The following GNAQ variants were observed in gnomAD, a reference collection of about 807,000 sequenced individuals.
GNAQ encodes guanine nucleotide-binding protein G(q) subunit alpha.
Under a neutral mutation model 43.9 loss-of-function variants are expected in GNAQ, and 8 were observed. The observed-to-expected ratio is 0.18, with a 90% confidence interval of 0.11 to 0.33. GNAQ has a LOEUF of 0.33. Ranked by LOEUF, GNAQ falls within the 10% of genes least tolerant of loss-of-function variation. GNAQ has a pLI of 1.00. For missense variants in GNAQ, 158 were observed against 450.8 expected (o/e 0.35, Z 5.88); for synonymous variants, 155 against 170.7 (o/e 0.91, Z 0.71).
intron 5 of GNAQ, among the ~76,000 whole-genome samples, chr9:77,762,524 G>T (rs1414227502): frequency 4.7e-5 from 7 of 149,416 alleles, no homozygotes; most frequent in Admixed American, 1.3e-4. Flanking sequence ...GAGGTGAGGG[G>T]CGCCTCTGCC....
intron 2 of GNAQ, among the ~76,000 whole-genome samples, chr9:77,877,455 C>T (rs1475403178): frequency 2.0e-5 from 3 of 152,154 alleles, no homozygotes; most frequent in Non-Finnish European, 2.9e-5. Flanking sequence ...GAATTGCTGA[C>T]AGACAAGTTC....
intron 5 of GNAQ, among the ~76,000 whole-genome samples, chr9:77,766,481 T>C (rs976814747): frequency 1.3e-5 from 2 of 152,210 alleles, no homozygotes; most frequent in Admixed American, 1.3e-4. Flanking sequence ...CTTTGTCCCT[T>C]GTGATTTTTG....
At chr9:77,827,558 C>A (rs958797012) in intron 2 of GNAQ, among the ~76,000 whole-genome samples, 2 of 151,950 alleles carry the variant, frequency 1.3e-5, no homozygotes, top group African/African-American at 4.8e-5. Context: ...CAGCCAGTGT[C>A]TGATAACATT....
intron 6 of GNAQ, among the ~76,000 whole-genome samples, chr9:77,725,644 G>A (rs1478997837): frequency 6.6e-6 from 1 of 151,302 alleles, no homozygotes; most frequent in Non-Finnish European, 1.5e-5. Flanking sequence ...GGCACATGCT[G>A]GAAGGAAAAT....
chr9:77,805,688 G>C (rs1826819147), intron 3 of GNAQ, among the ~76,000 whole-genome samples: 1 of 152,180 alleles, frequency 6.6e-6, no homozygotes, highest in Admixed American at 6.5e-5. Context: ...ACAGGCATGA[G>C]CCACCGCACC....
intron 2 of GNAQ, among the ~76,000 whole-genome samples, chr9:77,903,565 A>C (rs975811364): frequency 2.0e-5 from 3 of 152,146 alleles, no homozygotes; most frequent in Admixed American, 2.0e-4. Context: ...CCCAGGGGCT[A>C]AAGGTGACTC....
intron 2 of GNAQ, among the ~76,000 whole-genome samples, chr9:77,829,252 G>C (rs545677432): frequency 1.3e-5 from 2 of 152,208 alleles, no homozygotes; most frequent in South Asian, 4.1e-4. Context: ...TGAAAGCTAC[G>C]AATGCTTACA....
chr9:77,727,441 G>A (rs534782766), intron 6 of GNAQ, among the ~76,000 whole-genome samples: 11 of 152,188 alleles, frequency 7.2e-5, no homozygotes, highest in Non-Finnish European at 1.5e-4. Flanking sequence ...TGGGTGTCTA[G>A]TTGTCCAGGA....
At chr9:77,763,718 T>C (rs1378796815) in intron 5 of GNAQ, among the ~76,000 whole-genome samples, 1 of 152,170 alleles carries the variant, frequency 6.6e-6, no homozygotes, top group Non-Finnish European at 1.5e-5. Context: ...AAGTCAAAAA[T>C]GTCCTGTCTG....
chr9:77,839,739 A>G (rs745642427), intron 2 of GNAQ, among the ~76,000 whole-genome samples: 2 of 152,234 alleles, frequency 1.3e-5, no homozygotes, highest in Non-Finnish European at 2.9e-5. Flanking sequence ...CTTGGAGGAA[A>G]CACTGTTATT....
At chr9:77,836,401 A>G (rs1405831918) in intron 2 of GNAQ, among the ~76,000 whole-genome samples, 1 of 152,216 alleles carries the variant, frequency 6.6e-6, no homozygotes, top group African/African-American at 2.4e-5. Context: ...TATGCTTGCA[A>G]AAGATTCTTT....
intron 5 of GNAQ, among the ~76,000 whole-genome samples, chr9:77,749,505 C>A (rs1825779864): frequency 6.6e-6 from 1 of 152,272 alleles, no homozygotes; most frequent in East Asian, 1.9e-4. Flanking sequence ...TTGCTGAGAA[C>A]TGAGGACTTC....
At chr9:77,778,190 T>C (rs549968862) in intron 5 of GNAQ, among the ~76,000 whole-genome samples, 34 of 148,248 alleles carry the variant, frequency 2.3e-4, no homozygotes, top group Non-Finnish European at 3.7e-4. Flanking sequence ...TGTATGTTTT[T>C]ATATATACAT....
rs927771005 is a variant in GNAQ at position 77,718,878 on chromosome 9, C to T, written c.*2445G>A. Reference sequence around the variant, plus strand: ...AGTAAAGGCCATCAGAGAGGTAATACTAAACTGTGCATTTGCCAAATAAGA... The same window carrying T: ...AGTAAAGGCCATCAGAGAGGTAATATTAAACTGTGCATTTGCCAAATAAGA... On this transcript the variant is annotated 3_prime_UTR_variant, in exon 7 of 7. Coordinates refer to ENST00000286548, the MANE Select transcript of GNAQ (RefSeq NM_002072.5). 19 of 232,300 alleles carry T rather than the reference C, an allele frequency of 8.2e-5. No individual in the cohort carries two copies. Among genetic ancestry groups the T allele is most frequent in the East Asian group, 7.3e-4 (12 of 16,474 alleles). 14.4% of individuals were successfully genotyped at this position (232,300 alleles called of 1,614,324 possible). A position where few individuals can be genotyped will look rare whatever the true frequency, so the allele number is the denominator to read the frequency against.
At chr9:77,784,164 A>G (rs1449955827) in intron 5 of GNAQ, among the ~76,000 whole-genome samples, 1 of 151,940 alleles carries the variant, frequency 6.6e-6, no homozygotes, top group South Asian at 2.1e-4. Context: ...TTCCCCTGCC[A>G]GAGATCCATT....
intron 1 of GNAQ, among the ~76,000 whole-genome samples, chr9:77,994,824 T>A (rs1823548918): frequency 6.6e-6 from 1 of 152,206 alleles, no homozygotes; most frequent in South Asian, 2.1e-4. Flanking sequence ...AAGTCTTTAT[T>A]AGCAGCTTTT....
chr9:77,800,066 T>C (rs1472110406), intron 3 of GNAQ, among the ~76,000 whole-genome samples: 5 of 152,332 alleles, frequency 3.3e-5, no homozygotes, highest in African/African-American at 4.8e-5. Flanking sequence ...TTCACTCTAC[T>C]GATAAACCAG....
chr9:77,878,116 T>A (rs1410231358), intron 2 of GNAQ, among the ~76,000 whole-genome samples: 2 of 152,202 alleles, frequency 1.3e-5, no homozygotes, highest in African/African-American at 4.8e-5. Context: ...CAAATAATTG[T>A]TGAATGAATT....
chr9:78,003,000 G>T (rs1587455760), intron 1 of GNAQ, among the ~76,000 whole-genome samples: 3 of 151,866 alleles, frequency 2.0e-5, no homozygotes, highest in Admixed American at 1.3e-4. Context: ...CTCCATATAA[G>T]AAGTTTTCAA....
Sources: allele counts gnomAD v4.1 joint callset (sites outside exome capture counted in the v4.1 genomes callset), GRCh38; gene constraint gnomAD v4.1.1; transcripts MANE v1.5; gene names NCBI Gene and HGNC (gene_info 2026-07-23, HGNC 2026-07-21).